Variants in KMT2C observed in about 807,000 individuals in gnomAD.
KMT2C encodes the protein lysine methyltransferase 2C.
In KMT2C, 88 loss-of-function variants were observed where a neutral mutation model predicts 507.9. The observed-to-expected ratio is 0.17, with a 90% CI of 0.15 to 0.21. KMT2C has a LOEUF of 0.21. Ranked by LOEUF, KMT2C falls within the 10% of genes least tolerant of loss-of-function variation. KMT2C has a pLI of 1.00. For missense variants in KMT2C, 4,954 were observed against 5,957.8 expected (o/e 0.83, Z 5.55); for synonymous variants, 2,049 against 2,080.8 (o/e 0.98, Z 0.42).
chr7:152,250,155 T>C (rs2095541062), intron 12 of KMT2C, among the ~76,000 whole-genome samples: 1 of 152,202 alleles, frequency 6.6e-6, no homozygotes, highest in Admixed American at 6.5e-5. Context: ...TAATTGTCTT[T>C]TTCTCTTTTT....
intron 2 of KMT2C, among the ~76,000 whole-genome samples, chr7:152,332,576 T>C (rs1182893785): frequency 6.6e-6 from 1 of 152,168 alleles, no homozygotes. Context: ...CTGGGTATGG[T>C]GATGCACACC....
At position 152,338,080 on chromosome 7, in the gene KMT2C, G is replaced by A. The variant is rs765030981; in HGVS notation, c.251-7341C>T. Reference sequence around the variant, plus strand: ...TCACTGTGTTAGCCAGGATGGTCACGATCTCCTGACCTCGTGATCCGCTTG... The same window carrying A: ...TCACTGTGTTAGCCAGGATGGTCACAATCTCCTGACCTCGTGATCCGCTTG... On this transcript the variant is annotated intron_variant, in intron 2 of 58. Coordinates refer to ENST00000262189, the MANE Select transcript of KMT2C (RefSeq NM_170606.3). Among the ~76,000 whole-genome samples, 20 of 151,880 alleles carry A rather than the reference G, an allele frequency of 1.3e-4. 1 individual carries two copies. Among genetic ancestry groups the A allele is most frequent in the Admixed American group, 5.9e-4 (9 of 15,238 alleles).
At chr7:152,386,803 A>G (rs903220515) in intron 1 of KMT2C, among the ~76,000 whole-genome samples, 1 of 152,224 alleles carries the variant, frequency 6.6e-6, no homozygotes, top group Non-Finnish European at 1.5e-5. Context: ...ACAGTTGAGG[A>G]AACTGAAGTA....
At chr7:152,359,559 C>T (rs1163292350) in intron 1 of KMT2C, among the ~76,000 whole-genome samples, 1 of 151,634 alleles carries the variant, frequency 6.6e-6, no homozygotes, top group Non-Finnish European at 1.5e-5. Flanking sequence ...CATTTGAGTG[C>T]AAGAGTTCAA....
intron 1 of KMT2C, among the ~76,000 whole-genome samples, chr7:152,395,641 G>A (rs2097533820): frequency 6.6e-6 from 1 of 152,092 alleles, no homozygotes; most frequent in Admixed American, 6.6e-5. Context: ...CTGAGTAGCT[G>A]GGATTACAGG....
Position 152,148,110 on chromosome 7 carries a change from T to C in KMT2C, c.13817A>G (p.Asp4606Gly), listed in dbSNP as rs1587684156. 6.2e-7 allele frequency: 1 copy of C among 1,611,674 alleles called. No homozygotes were observed. The highest frequency in any genetic ancestry group is 1.1e-5 in the South Asian group (1 of 91,026). Residue 4606 changes from aspartate to glycine, a missense_variant, in exon 52 of 59, where the codon GAT becomes GGT. Physicochemically the swap from Asp to Gly is moderately conservative, Grantham distance 94. This residue lies in a region of KMT2C where 221 missense variants were observed against 304.7 expected (regional missense o/e 0.73). Transcript: ENST00000262189. This position sits in a 1 kb window ranked among gnomAD's most constrained non-coding sequence, Gnocchi z 7.1. ...CCTGATGACAAACACTGGGCGCCCATCCTTCTCCTCAATGGAGCACAGGTA... is the reference window on the plus strand; with the variant it reads ...CCTGATGACAAACACTGGGCGCCCACCCTTCTCCTCAATGGAGCACAGGTA... ...CRYLCSIEEK[D>G]GRPVFVIRIV... is the part of the protein sequence containing the mutation.
chr7:152,322,223 G>A (rs2096779293), intron 3 of KMT2C, among the ~76,000 whole-genome samples: 1 of 151,656 alleles, frequency 6.6e-6, no homozygotes, highest in Non-Finnish European at 1.5e-5. Flanking sequence ...ATAAGCCAGG[G>A]GTGGTAGTGA....
At chr7:152,367,786 C>G in intron 1 of KMT2C, 1 of 964,758 alleles carries the variant, frequency 1.0e-6, no homozygotes. Context: ...AATGCAGAAT[C>G]ACGAGTGAAC....
chr7:152,145,147 A>C lies in KMT2C; in HGVS notation c.14174+6T>G. 6.2e-7 allele frequency: 1 copy of C among 1,613,438 alleles called. No individual in the cohort carries two copies. Among genetic ancestry groups the C allele is most frequent in the Non-Finnish European group, 8.5e-7 (1 of 1,179,800 alleles). On this transcript the variant is annotated splice_donor_region_variant and intron_variant, in intron 54 of 58. Transcript: ENST00000262189. ...GGCTGTACTATGTGAAGTTAAAACA[A>C]AATACCTTAACACAAACCTCTTGAC...
rs528634352 is a variant in KMT2C, at chr7:152,389,503, G to A, written c.162-30828C>T. Among the ~76,000 whole-genome samples the A allele has an allele frequency of 2.0e-5, 3 of 151,590 alleles. 1 individual carries two copies. In the South Asian group the frequency reaches 6.2e-4, roughly 31 times the overall value. On this transcript the variant is annotated intron_variant, in intron 1 of 58. Coordinates refer to ENST00000262189, the MANE Select transcript of KMT2C (RefSeq NM_170606.3). Reference sequence around the variant, plus strand: ...CTTTTTTTTTTTTTAAATACCTGGTGGAGTGCAGTGGCACAATCACAGCTT... The same window carrying A: ...CTTTTTTTTTTTTTAAATACCTGGTAGAGTGCAGTGGCACAATCACAGCTT...
intron 1 of KMT2C, among the ~76,000 whole-genome samples, chr7:152,373,155 A>G (rs144862749): frequency 4.5e-4 from 68 of 152,102 alleles, no homozygotes; most frequent in African/African-American, 1.4e-3. Context: ...ACAAATGCAG[A>G]AAAAAAACAG....
At chr7:152,254,452 CA>C (rs2095612292) in intron 9 of KMT2C, among the ~76,000 whole-genome samples, 1 of 151,760 alleles carries the variant, frequency 6.6e-6, no homozygotes, top group South Asian at 2.1e-4. Flanking sequence ...TAAAGTTTAA[CA>C]AATTAAAAGG....
At chr7:152,187,883 T>G (rs370744178) in intron 31 of KMT2C, 36 bp from the exon 32 acceptor site, 22 of 1,609,496 alleles carry the variant, frequency 1.4e-5, no homozygotes, top group Non-Finnish European at 1.8e-5. Flanking sequence ...GGCATGATAT[T>G]CACAAGTAAC....
At chr7:152,301,020 T>A (rs2096562057) in intron 6 of KMT2C, among the ~76,000 whole-genome samples, 1 of 151,232 alleles carries the variant, frequency 6.6e-6, no homozygotes, top group Non-Finnish European at 1.5e-5. Flanking sequence ...ATCGCGCCAC[T>A]GCACTCCAGC....
intron 3 of KMT2C, among the ~76,000 whole-genome samples, chr7:152,321,841 T>C (rs2096775523): frequency 6.6e-6 from 1 of 151,930 alleles, no homozygotes; most frequent in Non-Finnish European, 1.5e-5. Flanking sequence ...TAACTGTCCA[T>C]ACTACCCAAA....
At chr7:152,159,188 A>T in intron 43 of KMT2C, 116 bp from the exon 44 acceptor site, 3 of 817,510 alleles carry the variant, frequency 3.7e-6, no homozygotes, top group Non-Finnish European at 6.0e-6. Flanking sequence ...GGTATTAAAT[A>T]AGTAGGGAAG....
intron 13 of KMT2C, among the ~76,000 whole-genome samples, chr7:152,249,545 T>C (rs971373243): frequency 2.0e-5 from 3 of 151,540 alleles, no homozygotes; most frequent in Admixed American, 2.0e-4. Context: ...CCTATACATG[T>C]TCTGATATCA....
intron 1 of KMT2C, among the ~76,000 whole-genome samples, chr7:152,361,377 G>A (rs562754177): frequency 3.1e-4 from 47 of 152,176 alleles, no homozygotes; most frequent in South Asian, 1.7e-3. Context: ...TGGCTAACAC[G>A]GTGAAACCCC....
chr7:152,194,710 A>G, intron 28 of KMT2C, 142 bp from the exon 29 acceptor site: 3 of 549,786 alleles, frequency 5.5e-6, no homozygotes, highest in East Asian at 3.3e-5. Flanking sequence ...CAGAATTCTC[A>G]TATCAATTTG....
Sources: gnomAD v4.1 joint callset for allele counts (sites outside exome capture counted in the v4.1 genomes callset) on GRCh38, gnomAD v4.1.1 for gene constraint, gnomAD v4.1.1 regional missense constraint, Gnocchi (gnomAD v3.1) non-coding constraint, MANE v1.5 for transcripts, NCBI Gene and HGNC (gene_info 2026-07-23, HGNC 2026-07-21) for gene names.